HTR7: variants seen among roughly 807,000 people sequenced by gnomAD.
The protein encoded by HTR7 is 5-HT-7.
Under a neutral mutation model 34.0 loss-of-function variants are expected in HTR7, and 16 were observed. That is an observed-to-expected ratio of 0.47 (90% CI 0.32 to 0.71). The LOEUF (loss-of-function observed/expected upper bound fraction) is 0.71, where lower values mean the gene tolerates loss of function less well. Ranked by LOEUF, HTR7 falls within the 30% of genes least tolerant of loss-of-function variation. The probability of loss-of-function intolerance (pLI) is 0.04; values close to 1 mark genes in which losing one functional copy is unlikely to be tolerated. For synonymous variants in HTR7, 265 were observed against 260.2 expected, an observed-to-expected ratio of 1.02 and a Z score of -0.18; for missense variants, 504 against 625.5, an observed-to-expected ratio of 0.81 and a Z score of 2.07.
chr10:90,839,828 A>G (rs1846301334), intron 1 of HTR7, among the ~76,000 whole-genome samples: 1 of 152,174 alleles, frequency 6.6e-6, no homozygotes, highest in African/African-American at 2.4e-5. Context: ...GTTTGCAACC[A>G]GAAGCTAAAT....
chr10:90,790,859 AAG>A (rs1321473018), intron 1 of HTR7, among the ~76,000 whole-genome samples: 3 of 152,062 alleles, frequency 2.0e-5, no homozygotes, highest in African/African-American at 7.2e-5. Context: ...AAAAGAGAGT[AAG>A]AGAGAGAGAA....
rs530397251 is a variant in HTR7 at position 90,761,267 on chromosome 10, TA to T, written c.540-11674del. 2.7e-4 allele frequency among the ~76,000 whole-genome samples: 41 copies of T among 152,320 alleles called. No homozygotes were observed. In the South Asian group the frequency reaches 2.9e-3, roughly 11 times the overall value. ...CATATTTTTTATAATTGAATTTTCA[TA>T]ATGAGCACAGACAGTTTTCAAAAAA... On this transcript the variant is annotated intron_variant, in intron 1 of 3. Transcript: ENST00000336152.
At chr10:90,841,607 AT>A (rs1189059927) in intron 1 of HTR7, among the ~76,000 whole-genome samples, 1 of 152,186 alleles carries the variant, frequency 6.6e-6, no homozygotes, top group Admixed American at 6.5e-5. Context: ...AATAATTATT[AT>A]TAACATCATC....
chr10:90,770,185 C>T (rs1845085617), intron 1 of HTR7, among the ~76,000 whole-genome samples: 1 of 152,200 alleles, frequency 6.6e-6, no homozygotes, highest in African/African-American at 2.4e-5. Context: ...GGGAAGGAGG[C>T]AGAGCTGGGC....
chr10:90,761,473 G>T (rs1844933739), intron 1 of HTR7, among the ~76,000 whole-genome samples: 1 of 152,142 alleles, frequency 6.6e-6, no homozygotes, highest in Non-Finnish European at 1.5e-5. Context: ...GTTTCAGTTA[G>T]TGAAGGAGGC....
At chr10:90,848,171 C>T (rs1036015252) in intron 1 of HTR7, among the ~76,000 whole-genome samples, 3 of 148,012 alleles carry the variant, frequency 2.0e-5, no homozygotes, top group Admixed American at 6.9e-5. Flanking sequence ...CGGGTTCAAG[C>T]GATTCTCCTG....
chr10:90,754,237 T>G (rs1844792971), intron 1 of HTR7, among the ~76,000 whole-genome samples: 1 of 152,070 alleles, frequency 6.6e-6, no homozygotes, highest in Non-Finnish European at 1.5e-5. Context: ...TAGAATACAT[T>G]CATAAGTTTA....
chr10:90,782,303 C>G (rs1215233942), intron 1 of HTR7, among the ~76,000 whole-genome samples: 1 of 152,102 alleles, frequency 6.6e-6, no homozygotes, highest in Non-Finnish European at 1.5e-5. Context: ...CATTGACCCC[C>G]GCTAAGGCTT....
At chr10:90,806,470 G>A (rs1474633328) in intron 1 of HTR7, among the ~76,000 whole-genome samples, 4 of 152,082 alleles carry the variant, frequency 2.6e-5, no homozygotes, top group African/African-American at 4.8e-5. Context: ...GTGGTGGCGG[G>A]CGCCTGTAGT....
chr10:90,846,820 T>G (rs569170253), intron 1 of HTR7, among the ~76,000 whole-genome samples: 1 of 152,212 alleles, frequency 6.6e-6, no homozygotes, highest in African/African-American at 2.4e-5. Context: ...AAAGCAGGAA[T>G]TCCCATAACT....
intron 1 of HTR7, among the ~76,000 whole-genome samples, chr10:90,751,198 A>G (rs1844727121): frequency 6.6e-6 from 1 of 152,174 alleles, no homozygotes; most frequent in Admixed American, 6.5e-5. Flanking sequence ...AAACAGAATG[A>G]GGGAAGAGAA....
At chr10:90,843,657 T>C (rs1355279120) in intron 1 of HTR7, among the ~76,000 whole-genome samples, 2 of 147,816 alleles carry the variant, frequency 1.4e-5, no homozygotes, top group Non-Finnish European at 3.0e-5. Flanking sequence ...TGGTGGTAGG[T>C]AGGAAGAAAG....
Position 90,749,688 on chromosome 10 carries a change from G to C in HTR7, c.540-94C>G, listed in dbSNP as rs978076847. On this transcript the variant is annotated intron_variant, in intron 1 of 3. Transcript: ENST00000336152. The surrounding 1 kb of genome is among the most constrained non-coding windows in gnomAD (Gnocchi z 4.2). Reference sequence around the variant, plus strand: ...CAGCCAGGTACCAGCGCCAGTCCTCGCAACAGCCCTTCTAGGTAGGCATCA... The same window carrying C: ...CAGCCAGGTACCAGCGCCAGTCCTCCCAACAGCCCTTCTAGGTAGGCATCA... The C allele has an allele frequency of 1.7e-6, 2 of 1,160,176 alleles. No homozygotes were observed. Among genetic ancestry groups the C allele is most frequent in the African/African-American group, 1.5e-5 (1 of 65,218 alleles). 71.9% of individuals were successfully genotyped at this position (1,160,176 alleles called of 1,614,324 possible). A position where few individuals can be genotyped will look rare whatever the true frequency, so the allele number is the denominator to read the frequency against.
At chr10:90,772,914 A>G (rs1845139932) in intron 1 of HTR7, among the ~76,000 whole-genome samples, 1 of 152,224 alleles carries the variant, frequency 6.6e-6, no homozygotes, top group African/African-American at 2.4e-5. Flanking sequence ...ACTGAGGCTC[A>G]GAAAGGTTTA....
chr10:90,830,865 TA>T (rs1846158494), intron 1 of HTR7, among the ~76,000 whole-genome samples: 1 of 145,384 alleles, frequency 6.9e-6, no homozygotes, highest in Non-Finnish European at 1.5e-5. Context: ...AAAAATAAAA[TA>T]AATGCCTACT....
intron 1 of HTR7, among the ~76,000 whole-genome samples, chr10:90,803,730 CTACTGTAACAA>C (rs1320195934): frequency 2.6e-5 from 4 of 152,152 alleles, no homozygotes; most frequent in Admixed American, 2.6e-4. Context: ...GACTACCTAC[CTACTGTAACAA>C]TTCTGGATCT....
At chr10:90,831,010 A>C (rs533156405) in intron 1 of HTR7, among the ~76,000 whole-genome samples, 1 of 152,104 alleles carries the variant, frequency 6.6e-6, no homozygotes, top group East Asian at 1.9e-4. Context: ...GCAGGCACTT[A>C]CTCTCTATAC....
chr10:90,754,940 A>C (rs1198124316), intron 1 of HTR7, among the ~76,000 whole-genome samples: 2 of 152,196 alleles, frequency 1.3e-5, no homozygotes, highest in Admixed American at 6.5e-5. Flanking sequence ...ATCCACTAGA[A>C]TCTCCGGCTG....
intron 1 of HTR7, among the ~76,000 whole-genome samples, chr10:90,841,383 C>T (rs550009857): frequency 2.6e-5 from 4 of 152,190 alleles, no homozygotes; most frequent in South Asian, 2.1e-4. Context: ...TTTTTTATCC[C>T]GCAGTTCTGT....
Sources: allele counts gnomAD v4.1 joint callset (sites outside exome capture counted in the v4.1 genomes callset), GRCh38; gene constraint gnomAD v4.1.1; non-coding constraint Gnocchi (gnomAD v3.1); transcripts MANE v1.5; gene names NCBI Gene and HGNC (gene_info 2026-07-23, HGNC 2026-07-21).